DYM: variants seen among roughly 807,000 people sequenced by gnomAD.
The protein encoded by DYM is dymeclin, also known as dyggve-Melchior-Clausen syndrome protein.
In DYM, 78 loss-of-function variants were observed where a neutral mutation model predicts 93.1. The ratio of observed to expected loss-of-function variants is 0.84; its 90% CI spans 0.70 to 1.01. The LOEUF is 1.01. DYM is among the 50% of genes least tolerant of loss of function. DYM has a pLI of 0.00. For missense variants in DYM, 789 were observed against 845.0 expected, an observed-to-expected ratio of 0.93 and a Z score of 0.82; for synonymous variants, 321 against 319.7, an observed-to-expected ratio of 1.00 and a Z score of -0.04.
chr18:49,284,944 G>T (rs546636149), intron 9 of DYM, among the ~76,000 whole-genome samples: 82 of 152,164 alleles, frequency 5.4e-4, no homozygotes, highest in African/African-American at 2.0e-3. Flanking sequence ...GGTCCTAAGG[G>T]CCCATCTCTC....
chr18:49,113,257 T>C (rs1401161468), intron 16 of DYM, among the ~76,000 whole-genome samples: 1 of 152,226 alleles, frequency 6.6e-6, no homozygotes, highest in African/African-American at 2.4e-5. Context: ...TACTATACAA[T>C]GGTTATAGTT....
At chr18:49,369,103 T>G (rs1406498563) in intron 5 of DYM, among the ~76,000 whole-genome samples, 1 of 152,188 alleles carries the variant, frequency 6.6e-6, no homozygotes, top group Non-Finnish European at 1.5e-5. Context: ...AATGTAAGCC[T>G]TTTCCCCGTT....
chr18:49,102,763 G>A (rs2080309520), intron 16 of DYM, among the ~76,000 whole-genome samples: 1 of 152,130 alleles, frequency 6.6e-6, no homozygotes, highest in African/African-American at 2.4e-5. Flanking sequence ...TTTTATGGCT[G>A]CATAGTATTC....
chr18:49,038,625 C>T lies in DYM; in HGVS notation c.*5430G>A, dbSNP rs570365323. 2.1e-4 allele frequency among the ~76,000 whole-genome samples: 32 copies of T among 152,268 alleles called. No individual in the cohort carries two copies. The highest frequency in any genetic ancestry group is 4.6e-4 in the Admixed American group (7 of 15,292). On this transcript the variant is annotated 3_prime_UTR_variant, in exon 18 of 18. Coordinates refer to ENST00000675505, the MANE Select transcript of DYM (RefSeq NM_001353214.3). ...TATTTGTCAACATTTGAGCATTAGT[C>T]CATTTACATTTAGTGTAATAATGGA...
intron 8 of DYM, among the ~76,000 whole-genome samples, chr18:49,327,993 C>T (rs2063023745): frequency 6.6e-6 from 1 of 152,116 alleles, no homozygotes; most frequent in Non-Finnish European, 1.5e-5. Context: ...GCTCAGGGGT[C>T]TGATGAACTG....
chr18:49,371,227 T>C (rs2067013824), intron 5 of DYM, among the ~76,000 whole-genome samples: 1 of 152,136 alleles, frequency 6.6e-6, no homozygotes, highest in Admixed American at 6.5e-5. Flanking sequence ...AGGCTAAGTG[T>C]GGTGGCTCAT....
chr18:49,410,435 T>TA (rs1172320982), intron 2 of DYM, among the ~76,000 whole-genome samples: 66 of 146,782 alleles, frequency 4.5e-4, no homozygotes, highest in Admixed American at 3.3e-3. Context: ...GGATTAAGGT[T>TA]AAAAAAAAAT....
chr18:49,229,978 A>G (rs186515634), intron 13 of DYM, among the ~76,000 whole-genome samples: 21 of 152,188 alleles, frequency 1.4e-4, no homozygotes, highest in African/African-American at 4.8e-4. Context: ...CCAGTCTCAA[A>G]AGACTAAATA....
chr18:49,077,993 C>T (rs754743970), intron 17 of DYM, among the ~76,000 whole-genome samples: 1 of 151,154 alleles, frequency 6.6e-6, no homozygotes, highest in Admixed American at 6.6e-5. Flanking sequence ...ATTTTGCTTT[C>T]TACTCAAATC....
At chr18:49,389,914 T>G (rs72642462) in intron 3 of DYM, among the ~76,000 whole-genome samples, 31,627 of 152,118 alleles carry the variant, frequency 0.21, 3,400 homozygotes, top group East Asian at 0.27. Flanking sequence ...ATTTTATAAT[T>G]TTTTTAAAAA....
chr18:49,078,481 A>T (rs11664336), intron 17 of DYM, among the ~76,000 whole-genome samples: 47,897 of 151,982 alleles, frequency 0.32, 8,812 homozygotes, highest in Middle Eastern at 0.46. Flanking sequence ...TATATACTAT[A>T]GTTGTTATAT....
intron 2 of DYM, among the ~76,000 whole-genome samples, chr18:49,423,639 T>C (rs1432579206): frequency 2.0e-5 from 3 of 152,056 alleles, no homozygotes; most frequent in South Asian, 2.1e-4. Context: ...ACAAAATTGA[T>C]AGACCACTAG....
chr18:49,380,336 G>A (rs567060954), intron 3 of DYM, among the ~76,000 whole-genome samples: 5 of 152,260 alleles, frequency 3.3e-5, no homozygotes, highest in Admixed American at 3.3e-4. Context: ...TTAGTTTCTA[G>A]ATCCAGGTCT....
At chr18:49,251,638 G>A (rs1315216800) in intron 13 of DYM, among the ~76,000 whole-genome samples, 1 of 152,150 alleles carries the variant, frequency 6.6e-6, no homozygotes, top group African/African-American at 2.4e-5. Flanking sequence ...CGTTACAAAT[G>A]TCAACGCACT....
At chr18:49,174,453 G>A (rs985186323) in intron 14 of DYM, among the ~76,000 whole-genome samples, 9 of 152,052 alleles carry the variant, frequency 5.9e-5, no homozygotes, top group African/African-American at 1.4e-4. Flanking sequence ...CTGGTAATCC[G>A]AGTCTAGACC....
chr18:49,160,525 T>C (rs2144986589), intron 15 of DYM, among the ~76,000 whole-genome samples: 1 of 147,486 alleles, frequency 6.8e-6, no homozygotes, highest in South Asian at 2.1e-4. Context: ...ACTCTGCTAA[T>C]ACAGTACATT....
intron 8 of DYM, among the ~76,000 whole-genome samples, chr18:49,297,751 G>GA (rs539677691): frequency 4.1e-4 from 62 of 150,260 alleles, no homozygotes; most frequent in African/African-American, 1.4e-3. Context: ...AATTTAATTA[G>GA]AAAAAAATTA....
chr18:49,329,367 T>C (rs1298448379), intron 8 of DYM, among the ~76,000 whole-genome samples: 5 of 151,936 alleles, frequency 3.3e-5, no homozygotes, highest in Non-Finnish European at 1.5e-5. Flanking sequence ...CAAACCAACA[T>C]GGCACATATA....
At chr18:49,204,677 GC>G (rs1301466840) in intron 14 of DYM, among the ~76,000 whole-genome samples, 1 of 152,192 alleles carries the variant, frequency 6.6e-6, no homozygotes, top group Non-Finnish European at 1.5e-5. Flanking sequence ...GAAGCAGCAT[GC>G]TTTGACCATA....
Sources: gnomAD v4.1 joint callset for allele counts (sites outside exome capture counted in the v4.1 genomes callset) on GRCh38, gnomAD v4.1.1 for gene constraint, MANE v1.5 for transcripts, NCBI Gene and HGNC (gene_info 2026-07-23, HGNC 2026-07-21) for gene names.